Variants in PLCG2 observed in about 807,000 individuals in gnomAD.
PLCG2 encodes phospholipase C gamma 2.
In PLCG2, 69 loss-of-function variants were observed where a neutral mutation model predicts 175.6. The observed-to-expected ratio is 0.39, with a 90% CI of 0.32 to 0.48. The LOEUF is 0.48. Among genes scored for constraint, PLCG2 ranks in the 20% least tolerant of loss-of-function variants. The pLI, the probability that PLCG2 is intolerant of heterozygous loss-of-function variation, is 0.91. For missense variants in PLCG2, 1,798 were observed against 1,650.9 expected (o/e 1.09, Z -1.54); for synonymous variants, 827 against 624.0 (o/e 1.33, Z -4.85).
intron 12 of PLCG2, among the ~76,000 whole-genome samples, chr16:81,894,053 C>A (rs529712677): frequency 1.3e-5 from 2 of 151,522 alleles, no homozygotes; most frequent in East Asian, 1.9e-4. Context: ...AACAGACACC[C>A]GCTGTGTTTT....
At position 81,962,058 on chromosome 16, in the gene PLCG2, C is replaced by T. The variant is rs557841897; in HGVS notation, c.*4060C>T. 25 of 188,514 alleles carry T rather than the reference C, an allele frequency of 1.3e-4. No individual in the cohort carries two copies. Among genetic ancestry groups the T allele is most frequent in the Non-Finnish European group, 2.6e-4 (23 of 88,414 alleles). 11.7% of individuals were successfully genotyped at this position (188,514 alleles called of 1,614,324 possible). A position where few individuals can be genotyped will look rare whatever the true frequency, so the allele number is the denominator to read the frequency against. On this transcript the variant is annotated 3_prime_UTR_variant, in exon 33 of 33. Coordinates refer to ENST00000564138, the MANE Select transcript of PLCG2 (RefSeq NM_002661.5). ...CATGTGCGTCCCTCCCGAAGCTGCG[C>T]GCTCCGTCGAAGAGGACGACCAACC...
At chr16:81,898,342 G>A (rs1353438697) in intron 13 of PLCG2, 3 of 152,858 alleles carry the variant, frequency 2.0e-5, no homozygotes, top group Admixed American at 6.5e-5. Flanking sequence ...TCATTCGAAT[G>A]GTTCAGATTT....
At chr16:81,951,008 G>A (rs528770736) in intron 31 of PLCG2, among the ~76,000 whole-genome samples, 29 of 151,732 alleles carry the variant, frequency 1.9e-4, no homozygotes, top group South Asian at 1.2e-3. Flanking sequence ...TTTGTTTTGA[G>A]ACAGTGTTTT....
chr16:81,939,011 G>C, intron 29 of PLCG2, 96 bp downstream of exon 29: 1 of 717,776 alleles, frequency 1.4e-6, no homozygotes, highest in South Asian at 1.6e-5. Flanking sequence ...ATGCTCTTTA[G>C]TTGTCCCAGG....
Position 81,779,398 on chromosome 16 carries a change from G to T in PLCG2, c.-74G>T, listed in dbSNP as rs1910626750. On this transcript the variant is annotated 5_prime_UTR_variant, in exon 1 of 33. Transcript: ENST00000564138. ...CGGAGCCCAAACCCGGGGCAGGCGG[G>T]CAGCTGTGCCCGGGCGGCACGGCCA... The T allele has an allele frequency of 6.6e-6, 1 of 151,184 alleles. No individual in the cohort carries two copies. The highest frequency in any genetic ancestry group is 6.6e-5 in the Admixed American group (1 of 15,166). The allele number at this position is 151,184 out of a possible 1,614,324, so 9.4% of individuals were successfully genotyped here. A position where few individuals can be genotyped will look rare whatever the true frequency, so the allele number is the denominator to read the frequency against.
chr16:81,845,250 T>C (rs1394294201), intron 2 of PLCG2, among the ~76,000 whole-genome samples: 1 of 152,218 alleles, frequency 6.6e-6, no homozygotes, highest in Non-Finnish European at 1.5e-5. Flanking sequence ...CCCGTGTTAT[T>C]TCTTATGCCT....
Position 81,887,161 on chromosome 16 carries a change from A to C in PLCG2, c.766-2011A>C, listed in dbSNP as rs577539849. 1.3e-3 allele frequency among the ~76,000 whole-genome samples: 199 copies of C among 150,554 alleles called. 1 individual carries two copies. Among genetic ancestry groups the C allele is most frequent in the African/African-American group, 4.6e-3 (190 of 40,900 alleles). On this transcript the variant is annotated intron_variant, in intron 9 of 32. Coordinates refer to ENST00000564138, the MANE Select transcript of PLCG2 (RefSeq NM_002661.5). ...TTGAGATGGAGTCTCGCTCTGTCAC[A>C]CAGGCTGGAGTACAGTGGCGCGATC...
intron 7 of PLCG2, among the ~76,000 whole-genome samples, chr16:81,874,167 T>C (rs1907655267): frequency 6.6e-6 from 1 of 152,336 alleles, no homozygotes; most frequent in Non-Finnish European, 1.5e-5. Context: ...TGAGAGATTA[T>C]ATTATATATT....
intron 31 of PLCG2, among the ~76,000 whole-genome samples, chr16:81,947,683 T>G (rs1911203595): frequency 6.6e-6 from 1 of 152,196 alleles, no homozygotes; most frequent in Non-Finnish European, 1.5e-5. Context: ...ATAAGCACTT[T>G]ACACACCTTC....
chr16:81,820,795 A>AT lies in PLCG2; in HGVS notation c.194-33644dup, dbSNP rs376792999. Among the ~76,000 whole-genome samples the AT allele has an allele frequency of 7.0e-3, 1,031 of 147,304 alleles. 13 individuals are homozygous for AT. Among genetic ancestry groups the AT allele is most frequent in the African/African-American group, 0.025 (977 of 39,628 alleles). ...ACCATCATGCCTGGCTAATTTTTGT[A>AT]TTTTTAGTAGAGGCAGGGTCTCATC... is the stretch of plus-strand genomic sequence containing the variant. On this transcript the variant is annotated intron_variant, in intron 2 of 32. Coordinates refer to ENST00000564138, the MANE Select transcript of PLCG2 (RefSeq NM_002661.5).
At chr16:81,905,928 G>C (rs1909350779) in intron 15 of PLCG2, among the ~76,000 whole-genome samples, 1 of 152,184 alleles carries the variant, frequency 6.6e-6, no homozygotes, top group Non-Finnish European at 1.5e-5. Context: ...TCAAAGTGCT[G>C]AGATTATAGG....
At chr16:81,910,862 T>C in intron 18 of PLCG2, 142 bp downstream of exon 18, 1 of 748,258 alleles carries the variant, frequency 1.3e-6, no homozygotes, top group South Asian at 1.6e-5. Context: ...ATTGCCGAGG[T>C]GGCCAGTTTC....
chr16:81,758,902 T>A lies in PLCG2; in HGVS notation c.-48+2936T>A, dbSNP rs530456905. ...CATGTTGGCCAGGCTGGTCTCGAAC[T>A]CCTGACCTCAGGTGATCCACCTGCC... is the stretch of plus-strand genomic sequence containing the variant. On this transcript the variant is annotated intron_variant, in intron 2 of 5. Transcript: ENST00000565054. 3.3e-5 allele frequency among the ~76,000 whole-genome samples: 5 copies of A among 152,306 alleles called. No individual in the cohort carries two copies. In the East Asian group the frequency reaches 9.6e-4, roughly 29 times the overall value.
chr16:81,803,956 C>T lies in PLCG2; in HGVS notation c.193+17774C>T, dbSNP rs137980491. 4.4e-3 allele frequency among the ~76,000 whole-genome samples: 675 copies of T among 152,312 alleles called. 4 individuals are homozygous for T. The highest frequency in any genetic ancestry group is 0.015 in the African/African-American group (638 of 41,564). ...CTTGCCTCCCAGAGTGCTGGGATTA[C>T]AGGTATGAGCCACCGTGCCTGGACT... On this transcript the variant is annotated intron_variant, in intron 2 of 32. Transcript: ENST00000564138.
At chr16:81,808,180 A>G (rs11866488) in intron 2 of PLCG2, among the ~76,000 whole-genome samples, 143,423 of 152,180 alleles carry the variant, frequency 0.94, 68,158 homozygotes, top group East Asian at 1. Flanking sequence ...TGGGCCATGC[A>G]GTAACCATTC....
rs1242815538 is a variant in PLCG2, at chr16:81,959,116, G to C, written c.*1118G>C. 4.5e-6 allele frequency: 1 copy of C among 223,806 alleles called. No individual in the cohort carries two copies. The highest frequency in any genetic ancestry group is 2.2e-5 in the African/African-American group (1 of 44,766). The allele number at this position is 223,806 out of a possible 1,614,324, so 13.9% of individuals were successfully genotyped here. A position where few individuals can be genotyped will look rare whatever the true frequency, so the allele number is the denominator to read the frequency against. On this transcript the variant is annotated 3_prime_UTR_variant, in exon 33 of 33. Coordinates refer to ENST00000564138, the MANE Select transcript of PLCG2 (RefSeq NM_002661.5). ...TTTTTAAAGGAGAGGAGAGTGCTGG[G>C]TTGGGAAGGGAGGTGGTTGGTAGAG...
chr16:81,849,725 T>C lies in PLCG2; in HGVS notation c.194-4719T>C, dbSNP rs556748046. 1.3e-4 allele frequency among the ~76,000 whole-genome samples: 19 copies of C among 142,768 alleles called. No individual in the cohort carries two copies. The East Asian group carries it at 3.9e-3, about 29-fold the overall frequency. 93.7% of individuals were successfully genotyped at this position (142,768 alleles called of 152,430 possible). On this transcript the variant is annotated intron_variant, in intron 2 of 32. Coordinates refer to ENST00000564138, the MANE Select transcript of PLCG2 (RefSeq NM_002661.5). Reference sequence around the variant, plus strand: ...GGCGGAGGTTGCACTGAGCCAAGATTGTGCCACTGCACTCCAGCCTGGGCA... The same window carrying C: ...GGCGGAGGTTGCACTGAGCCAAGATCGTGCCACTGCACTCCAGCCTGGGCA...
intron 2 of PLCG2, among the ~76,000 whole-genome samples, chr16:81,771,322 TGCTCAAGG>T (rs1183953560): frequency 1.3e-5 from 2 of 152,172 alleles, no homozygotes; most frequent in African/African-American, 4.8e-5. Context: ...TAAACGCCTG[TGCTCAAGG>T]GATCCTCCCA....
At chr16:81,910,793 G>T in intron 18 of PLCG2, 73 bp downstream of exon 18, 2 of 1,437,048 alleles carry the variant, frequency 1.4e-6, no homozygotes, top group Admixed American at 1.7e-5. Context: ...AGCTGGCCTG[G>T]TGGTTCAGCC....
Sources: gnomAD v4.1 joint callset for allele counts (sites outside exome capture counted in the v4.1 genomes callset) on GRCh38, gnomAD v4.1.1 for gene constraint, MANE v1.5 for transcripts, NCBI Gene and HGNC (gene_info 2026-07-23, HGNC 2026-07-21) for gene names.